The following SNRNP200 variants were observed in gnomAD, a reference collection of about 807,000 sequenced individuals.
SNRNP200 encodes U5 small nuclear ribonucleoprotein 200 kDa helicase.
SNRNP200 carries 66 observed loss-of-function variants against 255.2 expected under a neutral mutation model. That is an observed-to-expected ratio of 0.26 (90% CI 0.21 to 0.32). SNRNP200 has a LOEUF of 0.32. SNRNP200 is among the 10% of genes least tolerant of loss of function. SNRNP200 has a pLI of 1.00. For missense variants in SNRNP200, 1,585 were observed against 2,749.8 expected, an observed-to-expected ratio of 0.58 and a Z score of 9.47; for synonymous variants, 939 against 1,027.8, an observed-to-expected ratio of 0.91 and a Z score of 1.65.
chr2:96,288,784 A>G lies in SNRNP200; in HGVS notation c.3175-38T>C, dbSNP rs200584039. On this transcript the variant is annotated intron_variant, in intron 23 of 44. Transcript: ENST00000323853. Reference sequence around the variant, plus strand: ...AAAATCAGCCAGCAGGAGACCAATCACTGAACAGTCCAAGAAAGGGAATTA... The same window carrying G: ...AAAATCAGCCAGCAGGAGACCAATCGCTGAACAGTCCAAGAAAGGGAATTA... The G allele has an allele frequency of 3.9e-6, 6 of 1,540,668 alleles. No homozygotes were observed. The African/African-American group carries it at 8.2e-5, about 21-fold the overall frequency.
rs1574004070 is a variant in SNRNP200, at chr2:96,305,493, A to C, written c.-56T>G. 1 of 1,610,434 alleles carries C rather than the reference A, an allele frequency of 6.2e-7. No homozygotes were observed. The highest frequency in any genetic ancestry group is 8.5e-7 in the Non-Finnish European group (1 of 1,178,298). ...CACGCCTCCCTACCGCAAGCTGCAA[A>C]CGGCCGCAGATCTCTGCTCCCGCCG... On this transcript the variant is annotated 5_prime_UTR_variant, in exon 1 of 45. Coordinates refer to ENST00000323853, the MANE Select transcript of SNRNP200 (RefSeq NM_014014.5).
At chr2:96,293,254 G>A (rs2063894563) in intron 15 of SNRNP200, 62 bp downstream of exon 15, 2 of 1,586,424 alleles carry the variant, frequency 1.3e-6, no homozygotes, top group African/African-American at 1.3e-5. Flanking sequence ...GCACTCCTTG[G>A]AAAAGAGGAA....
intron 5 of SNRNP200, among the ~76,000 whole-genome samples, chr2:96,299,656 A>G (rs948788387): frequency 6.6e-6 from 1 of 152,244 alleles, no homozygotes; most frequent in Non-Finnish European, 1.5e-5. Context: ...AGGCTGCTAC[A>G]ATGGCAATCA....
chr2:96,295,502 G>A lies in SNRNP200; in HGVS notation c.1828C>T (p.Arg610Trp), dbSNP rs769493637. 1.2e-6 allele frequency: 2 copies of A among 1,613,544 alleles called. No homozygotes were observed. The highest frequency in any genetic ancestry group is 1.7e-5 in the Admixed American group (1 of 59,982). Residue 610 changes from arginine to tryptophan, a missense_variant, in exon 14 of 45, where the codon CGG (arginine) becomes TGG (tryptophan). By Grantham distance (101) the Arg-to-Trp change is moderately radical. This residue lies in a region of SNRNP200 where 56 missense variants were observed against 77.4 expected (regional missense o/e 0.72). Transcript: ENST00000323853. ...TCCCAACTCACCAGAATGATGAGCC[G>A]CACCAGCTGGGTGTAGGTGCGCTCA... ...GGERTYTQLVRLIILDEIHLL... is the reference protein window; with the variant it reads ...GGERTYTQLVWLIILDEIHLL...
intron 4 of SNRNP200, 138 bp downstream of exon 4, chr2:96,301,385 TG>T: frequency 1.1e-6 from 1 of 940,678 alleles, no homozygotes; most frequent in Non-Finnish European, 1.8e-6. Flanking sequence ...GTCCATCAAT[TG>T]TAACTCTTCA....
chr2:96,274,832 G>T lies in SNRNP200; in HGVS notation c.*180C>A. The T allele has an allele frequency of 1.4e-6, 1 of 700,396 alleles. No individual in the cohort carries two copies. The highest frequency in any genetic ancestry group is 2.6e-6 in the Non-Finnish European group (1 of 390,466). The allele number at this position is 700,396 out of a possible 1,614,324, so 43.4% of individuals were successfully genotyped here. Reference sequence around the variant, plus strand: ...GATTTATGCTTGACCCATGACACCTGCTGTCACTGGATCCAGAGTGAGCAA... The same window carrying T: ...GATTTATGCTTGACCCATGACACCTTCTGTCACTGGATCCAGAGTGAGCAA... On this transcript the variant is annotated 3_prime_UTR_variant, in exon 45 of 45. Coordinates refer to ENST00000323853, the MANE Select transcript of SNRNP200 (RefSeq NM_014014.5).
At position 96,287,720 on chromosome 2, in the gene SNRNP200, C is replaced by G. The variant is rs1373425744; in HGVS notation, c.3365+143G>C. On this transcript the variant is annotated intron_variant, in intron 25 of 44. Coordinates refer to ENST00000323853, the MANE Select transcript of SNRNP200 (RefSeq NM_014014.5). This position sits in a 1 kb window ranked among gnomAD's most constrained non-coding sequence, Gnocchi z 5.7. ...TGGCCTCCACCACAGAGGGCCTTCC[C>G]TCTTCTCAATGTGCACCAAGGTTCA... 11 of 923,842 alleles carry G rather than the reference C, an allele frequency of 1.2e-5. No individual in the cohort carries two copies. Among genetic ancestry groups the G allele is most frequent in the African/African-American group, 3.2e-5 (2 of 61,612 alleles). The allele number at this position is 923,842 out of a possible 1,614,324, so 57.2% of individuals were successfully genotyped here.
chr2:96,289,993 C>T lies in SNRNP200; in HGVS notation c.2746G>A (p.Ala916Thr), dbSNP rs777028377. The T allele has an allele frequency of 2.5e-6, 4 of 1,614,064 alleles. No individual in the cohort carries two copies. The African/African-American group carries it at 5.3e-5, about 22-fold the overall frequency. The change falls in exon 21 of 45, where the codon GCG (alanine) becomes ACG (threonine). Residue 916 changes from alanine to threonine, a missense_variant. Ala to Thr is a moderately conservative substitution (Grantham distance 58, BLOSUM62 0). Transcript: ENST00000323853. The part of the protein sequence containing the change: ...VLGNVQNAKD[A>T]VNWLGYAYLY... Reference sequence around the variant, plus strand: ...TAGGCATAGCCCAGCCAGTTCACCGCATCCTACAAGACACAGCTCATGGTT... The same window carrying T: ...TAGGCATAGCCCAGCCAGTTCACCGTATCCTACAAGACACAGCTCATGGTT...
rs1365008830 is a variant in SNRNP200 at position 96,291,603 on chromosome 2, G to T, written c.2311-101C>A. On this transcript the variant is annotated intron_variant, in intron 17 of 44. Coordinates refer to ENST00000323853, the MANE Select transcript of SNRNP200 (RefSeq NM_014014.5). The surrounding 1 kb of genome is among the most constrained non-coding windows in gnomAD (Gnocchi z 4.2). Reference sequence around the variant, plus strand: ...TGAGACCCTGCCCCTTAACTATTATGTGGAATAGTAATAATCACATCCAGA... The same window carrying T: ...TGAGACCCTGCCCCTTAACTATTATTTGGAATAGTAATAATCACATCCAGA... 8.1e-7 allele frequency: 1 copy of T among 1,227,304 alleles called. No individual in the cohort carries two copies. Among genetic ancestry groups the T allele is most frequent in the Non-Finnish European group, 1.2e-6 (1 of 831,994 alleles). The allele number at this position is 1,227,304 out of a possible 1,614,324, so 76.0% of individuals were successfully genotyped here. A position where few individuals can be genotyped will look rare whatever the true frequency, so the allele number is the denominator to read the frequency against.
intron 43 of SNRNP200, 164 bp downstream of exon 43, chr2:96,276,740 C>G (rs750432718): frequency 2.5e-6 from 2 of 810,174 alleles, no homozygotes; most frequent in Non-Finnish European, 4.4e-6. Flanking sequence ...TAAGCAGAAA[C>G]AAACAGAAAA....
At chr2:96,293,863 A>C (rs1172213555) in intron 14 of SNRNP200, among the ~76,000 whole-genome samples, 4 of 152,202 alleles carry the variant, frequency 2.6e-5, no homozygotes, top group African/African-American at 9.7e-5. Flanking sequence ...AGTTCCCAAG[A>C]ACAAAAGCTA....
rs1277792494 is a variant in SNRNP200 at position 96,277,788 on chromosome 2, C to A, written c.5754+19G>T. ...GTTTAGAGCACCACTGACCCCTCTG[C>A]CCCACACCCACACTCTACCTTACTA... On this transcript the variant is annotated intron_variant, in intron 40 of 44. Transcript: ENST00000323853. The surrounding 1 kb of genome is among the most constrained non-coding windows in gnomAD (Gnocchi z 4.4). The A allele has an allele frequency of 1.2e-6, 2 of 1,614,060 alleles. No homozygotes were observed. The highest frequency in any genetic ancestry group is 1.7e-6 in the Non-Finnish European group (2 of 1,180,042).
At chr2:96,303,101 G>C (rs2063963191) in intron 3 of SNRNP200, 58 bp downstream of exon 3, 1 of 1,562,586 alleles carries the variant, frequency 6.4e-7, no homozygotes, top group South Asian at 1.1e-5. Flanking sequence ...GATCTTAGAA[G>C]CTGTATGCCA....
At chr2:96,280,848 CTTT>C (rs985439781) in intron 35 of SNRNP200, among the ~76,000 whole-genome samples, 3 of 114,864 alleles carry the variant, frequency 2.6e-5, no homozygotes, top group South Asian at 2.8e-4. Flanking sequence ...ACACCTGGCC[CTTT>C]TTTTTTTTTT....
chr2:96,294,196 G>A (rs1573997598), intron 14 of SNRNP200, among the ~76,000 whole-genome samples: 1 of 151,642 alleles, frequency 6.6e-6, no homozygotes, highest in East Asian at 1.9e-4. Flanking sequence ...CACTTTGGGA[G>A]GCTGAGGTAG....
At position 96,287,168 on chromosome 2, in the gene SNRNP200, G is replaced by A; in HGVS notation, c.3485-8C>T. The A allele has an allele frequency of 1.2e-6, 2 of 1,614,198 alleles. No individual in the cohort carries two copies. Among genetic ancestry groups the A allele is most frequent in the Non-Finnish European group, 1.7e-6 (2 of 1,180,026 alleles). On this transcript the variant is annotated splice_polypyrimidine_tract_variant and splice_region_variant and intron_variant, in intron 26 of 44. Transcript: ENST00000323853. The surrounding 1 kb of genome is among the most constrained non-coding windows in gnomAD (Gnocchi z 5.7). ...GCATGCGGATAAGCTCCCCTACAAG[G>A]AAATGAGAGTACTGAGGCTGCAGCC...
intron 3 of SNRNP200, among the ~76,000 whole-genome samples, chr2:96,302,454 T>G (rs1261738839): frequency 1.3e-5 from 2 of 152,164 alleles, no homozygotes; most frequent in Non-Finnish European, 2.9e-5. Context: ...AGCAAACTTG[T>G]TTTTTTCTAT....
Position 96,277,136 on chromosome 2 carries a change from G to C in SNRNP200, c.6037C>G (p.Arg2013Gly). ...TAAGATAGTTCGATATTAGGGTAGCGGTTACAAAAGCGAGCCACATCTGCA... is the reference window on the plus strand; with the variant it reads ...TAAGATAGTTCGATATTAGGGTAGCCGTTACAAAAGCGAGCCACATCTGCA... ...QIADVARFCN[R>G]YPNIELSYEV... The change falls in exon 42 of 45, where the codon CGC becomes GGC. Residue 2013 changes from arginine to glycine, a missense_variant. Arg to Gly is a moderately radical substitution (Grantham distance 125). Around this residue, in one of 9 missense-constraint regions of SNRNP200, gnomAD observed 279 missense variants for 551.2 expected, o/e 0.51. Transcript: ENST00000323853. The surrounding 1 kb of genome is among the most constrained non-coding windows in gnomAD (Gnocchi z 4.4). 6.2e-7 allele frequency: 1 copy of C among 1,614,212 alleles called. No homozygotes were observed. Among genetic ancestry groups the C allele is most frequent in the Non-Finnish European group, 8.5e-7 (1 of 1,180,044 alleles).
At position 96,284,576 on chromosome 2, in the gene SNRNP200, C is replaced by T. The variant is rs370155225; in HGVS notation, c.4174G>A (p.Asp1392Asn). The change falls in exon 31 of 45, where the codon GAC becomes AAC. Residue 1392 changes from aspartate to asparagine, a missense_variant. By Grantham distance (23) the Asp-to-Asn change is conservative. Coordinates refer to ENST00000323853, the MANE Select transcript of SNRNP200 (RefSeq NM_014014.5). ...MEALAEQVYMDWYEKFQDRLN... is the reference protein window; with the variant it reads ...MEALAEQVYMNWYEKFQDRLN... ...CTGTCCTGGAACTTCTCGTACCAGT[C>T]CATGTATACCTGGCGGGCAGAGGAG... The T allele has an allele frequency of 1.2e-6, 2 of 1,612,864 alleles. No individual in the cohort carries two copies. Among genetic ancestry groups the T allele is most frequent in the Non-Finnish European group, 1.7e-6 (2 of 1,178,902 alleles).
Sources: allele counts gnomAD v4.1 joint callset (sites outside exome capture counted in the v4.1 genomes callset), GRCh38; gene constraint gnomAD v4.1.1; regional missense constraint gnomAD v4.1.1; non-coding constraint Gnocchi (gnomAD v3.1); transcripts MANE v1.5; gene names NCBI Gene and HGNC (gene_info 2026-07-23, HGNC 2026-07-21).